The following TRANK1 variants were observed in gnomAD, a reference collection of about 807,000 sequenced individuals.
TRANK1 encodes the protein TPR and ankyrin repeat-containing protein 1.
Under a neutral mutation model 266.0 loss-of-function variants are expected in TRANK1, and 198 were observed. The observed-to-expected ratio is 0.74, with a 90% CI of 0.66 to 0.84. TRANK1 has a LOEUF of 0.84. Among genes scored for constraint, TRANK1 ranks in the 40% least tolerant of loss-of-function variants. The probability of loss-of-function intolerance (pLI) is 0.00; values close to 1 mark genes in which losing one functional copy is unlikely to be tolerated. For missense variants in TRANK1, 3,326 were observed against 3,634.6 expected (o/e 0.92, Z 2.18); for synonymous variants, 1,396 against 1,384.1 (o/e 1.01, Z -0.19).
rs1397588496 is a variant in TRANK1, at chr3:36,832,583, T to C, written c.7000A>G (p.Met2334Val). The C allele has an allele frequency of 4.3e-6, 7 of 1,613,924 alleles. No individual in the cohort carries two copies. Among genetic ancestry groups the C allele is most frequent in the Admixed American group, 3.3e-5 (2 of 60,010 alleles). ...TTGGAAGAGAGAAGGAAAGCTTGCA[T>C]GGCACTCAGCCACAGGTCTGTGGAT... Reference protein sequence around the residue: ...RESTDLWLSAMQAFLLSSNYP... With the variant: ...RESTDLWLSAVQAFLLSSNYP... Residue 2334 changes from methionine to valine, a missense_variant, in exon 22 of 24, where the codon ATG (methionine) becomes GTG (valine). Coordinates refer to ENST00000645898, the MANE Select transcript of TRANK1 (RefSeq NM_001329998.2).
chr3:36,827,463 A>G lies in TRANK1; in HGVS notation c.*812T>C, dbSNP rs182490724. On this transcript the variant is annotated 3_prime_UTR_variant, in exon 24 of 24. Coordinates refer to ENST00000645898, the MANE Select transcript of TRANK1 (RefSeq NM_001329998.2). The stretch of plus-strand genomic sequence containing the variant: ...AGATGTACAGGGCTGTATACAAAAC[A>G]CTTTTTGGAATGTCTGCACCATAGC... 2 of 152,320 alleles carry G rather than the reference A, an allele frequency of 1.3e-5. No homozygotes were observed. Among genetic ancestry groups the G allele is most frequent in the Non-Finnish European group, 2.9e-5 (2 of 68,032 alleles). The allele number at this position is 152,320 out of a possible 1,614,324, so 9.4% of individuals were successfully genotyped here.
At chr3:36,879,597 T>TAAATATATATAAATATACAAATATAC (rs2079446297) in intron 8 of TRANK1, among the ~76,000 whole-genome samples, 1 of 95,988 alleles carries the variant, frequency 1.0e-5, no homozygotes, top group Non-Finnish European at 1.9e-5. Context: ...TACAAATATA[T>TAAATATATATAAATATACAAATATAC]AAATATATAT....
At chr3:36,916,289 G>A (rs2080122949) in intron 1 of TRANK1, among the ~76,000 whole-genome samples, 1 of 152,198 alleles carries the variant, frequency 6.6e-6, no homozygotes, top group Admixed American at 6.5e-5. Context: ...AATTTGGCCT[G>A]GCACAGTGGC....
chr3:36,929,895 G>GTTA (rs755573521), intron 1 of TRANK1, among the ~76,000 whole-genome samples: 3 of 151,870 alleles, frequency 2.0e-5, no homozygotes, highest in African/African-American at 7.3e-5. Flanking sequence ...TGTTGTTGTT[G>GTTA]TTGTTGTTGT....
rs1311892186 is a variant in TRANK1 at position 36,856,023 on chromosome 3, C to T, written c.3699G>A (p.Gln1233=). The T allele has an allele frequency of 1.9e-6, 3 of 1,613,602 alleles. No individual in the cohort carries two copies. Among genetic ancestry groups the T allele is most frequent in the Non-Finnish European group, 2.5e-6 (3 of 1,179,880 alleles). ...KPLDPNIHKL[Q]DLRDENFPLF... ...GAGGAAAGTTCTCGTCCCTCAGGTCCTGGAGTTTGTGAATGTTGGGGTCCA... is the reference window on the plus strand; with the variant it reads ...GAGGAAAGTTCTCGTCCCTCAGGTCTTGGAGTTTGTGAATGTTGGGGTCCA... The change falls in exon 13 of 24, where the codon CAG becomes CAA. Residue 1233 remains glutamine (Q), a synonymous_variant. Coordinates refer to ENST00000645898, the MANE Select transcript of TRANK1 (RefSeq NM_001329998.2).
intron 17 of TRANK1, among the ~76,000 whole-genome samples, chr3:36,844,387 G>A (rs533758396): frequency 9.4e-4 from 143 of 151,986 alleles, no homozygotes; most frequent in East Asian, 5.6e-3. Context: ...CCACCACACC[G>A]GGCTAATTTT....
At chr3:36,876,218 G>A (rs2079386585) in intron 8 of TRANK1, among the ~76,000 whole-genome samples, 1 of 152,210 alleles carries the variant, frequency 6.6e-6, no homozygotes, top group Non-Finnish European at 1.5e-5. Flanking sequence ...GTGAACACCA[G>A]ACCGACTGAC....
intron 18 of TRANK1, among the ~76,000 whole-genome samples, chr3:36,841,902 C>CAAA (rs11456731): frequency 5.6e-5 from 8 of 143,714 alleles, no homozygotes; most frequent in Non-Finnish European, 7.7e-5. Flanking sequence ...TAGATTAAAG[C>CAAA]AAAAAAAAAA....
chr3:36,919,010 A>G (rs2080177565), intron 1 of TRANK1, among the ~76,000 whole-genome samples: 1 of 152,216 alleles, frequency 6.6e-6, no homozygotes, highest in Admixed American at 6.5e-5. Flanking sequence ...ATAAAAAACT[A>G]TATTATGCAA....
At chr3:36,933,354 G>A (rs774557149) in intron 1 of TRANK1, among the ~76,000 whole-genome samples, 19 of 152,260 alleles carry the variant, frequency 1.2e-4, no homozygotes, top group Non-Finnish European at 2.1e-4. Context: ...ACCCCTCTGC[G>A]CAAAGTAAAA....
At chr3:36,921,781 G>C (rs1185442442) in intron 1 of TRANK1, among the ~76,000 whole-genome samples, 1 of 152,306 alleles carries the variant, frequency 6.6e-6, no homozygotes, top group East Asian at 1.9e-4. Flanking sequence ...TGCTGGGTTT[G>C]CCAAACAACA....
chr3:36,858,946 C>T, intron 11 of TRANK1, 52 bp from the exon 12 acceptor site: 2 of 1,455,872 alleles, frequency 1.4e-6, no homozygotes, highest in South Asian at 1.4e-5. Context: ...GCCTGGCTCG[C>T]CTGACGAGAG....
At chr3:36,834,975 C>A in intron 20 of TRANK1, 68 bp from the exon 21 acceptor site, 1 of 1,397,694 alleles carries the variant, frequency 7.2e-7, no homozygotes, top group South Asian at 1.4e-5. Context: ...TAAACCAATA[C>A]CACAAGTAAT....
chr3:36,855,302 C>T lies in TRANK1; in HGVS notation c.4420G>A (p.Val1474Met), dbSNP rs777724026. 1.1e-5 allele frequency: 17 copies of T among 1,613,926 alleles called. No individual in the cohort carries two copies. Among genetic ancestry groups the T allele is most frequent in the Middle Eastern group, 1.6e-4 (1 of 6,084 alleles). The change falls in exon 13 of 24, where the codon GTG (valine) becomes ATG (methionine). Residue 1474 changes from valine (V) to methionine (M), a missense_variant. Coordinates refer to ENST00000645898, the MANE Select transcript of TRANK1 (RefSeq NM_001329998.2). ...CGCAGATCGCTGAAGCGGAAGGCCACGCCCTTCATGATGCTCTGGGCCGTG... is the reference window on the plus strand; with the variant it reads ...CGCAGATCGCTGAAGCGGAAGGCCATGCCCTTCATGATGCTCTGGGCCGTG... ...GDTAQSIMKG[V>M]AFRFSDLRSL...
At position 36,857,248 on chromosome 3, in the gene TRANK1, C is replaced by T; in HGVS notation, c.2474G>A (p.Cys825Tyr). ...DDWSTQEIEACLQDFDNMTWE... is the reference protein window; with the variant it reads ...DDWSTQEIEAYLQDFDNMTWE... Reference sequence around the variant, plus strand: ...GGTCATGTTATCGAAGTCCTGGAGGCAGGCCTCAATCTCCTGCGTGCTCCA... The same window carrying T: ...GGTCATGTTATCGAAGTCCTGGAGGTAGGCCTCAATCTCCTGCGTGCTCCA... The change falls in exon 13 of 24, where the codon TGC becomes TAC. Residue 825 changes from cysteine to tyrosine, a missense_variant. Cys to Tyr is a radical substitution (Grantham distance 194). Transcript: ENST00000645898. The surrounding 1 kb of genome is among the most constrained non-coding windows in gnomAD (Gnocchi z 4.3). 1 of 1,612,540 alleles carries T rather than the reference C, an allele frequency of 6.2e-7. No homozygotes were observed. The highest frequency in any genetic ancestry group is 8.5e-7 in the Non-Finnish European group (1 of 1,179,144).
intron 1 of TRANK1, among the ~76,000 whole-genome samples, chr3:36,931,411 A>T (rs1304069203): frequency 6.6e-6 from 1 of 152,218 alleles, no homozygotes; most frequent in Admixed American, 6.5e-5. Flanking sequence ...AAGAATATCT[A>T]TTAATATTTG....
At chr3:36,879,143 T>C (rs1484846410) in intron 8 of TRANK1, among the ~76,000 whole-genome samples, 2 of 151,444 alleles carry the variant, frequency 1.3e-5, no homozygotes, top group African/African-American at 4.8e-5. Context: ...ACTTTGGTTT[T>C]GGCAATTGTT....
At chr3:36,919,456 A>G (rs1363706377) in intron 1 of TRANK1, among the ~76,000 whole-genome samples, 2 of 152,252 alleles carry the variant, frequency 1.3e-5, no homozygotes, top group Non-Finnish European at 2.9e-5. Context: ...ATATATCAGT[A>G]ACTCCTTTCT....
intron 1 of TRANK1, among the ~76,000 whole-genome samples, chr3:36,920,297 G>C (rs2080196955): frequency 6.6e-6 from 1 of 152,170 alleles, no homozygotes. Flanking sequence ...TGGCTACAGT[G>C]AACCATTCTT....
Sources: allele counts gnomAD v4.1 joint callset (sites outside exome capture counted in the v4.1 genomes callset), GRCh38; gene constraint gnomAD v4.1.1; non-coding constraint Gnocchi (gnomAD v3.1); transcripts MANE v1.5; gene names NCBI Gene and HGNC (gene_info 2026-07-23, HGNC 2026-07-21).